Variants in MAPK9 observed in about 807,000 individuals in gnomAD.
The protein encoded by MAPK9 is Jun kinase.
Under a neutral mutation model 57.1 loss-of-function variants are expected in MAPK9, and 30 were observed. The ratio of observed to expected loss-of-function variants is 0.53; its 90% CI spans 0.39 to 0.71. The LOEUF (loss-of-function observed/expected upper bound fraction) is 0.71. Ranked by LOEUF, MAPK9 falls within the 30% of genes least tolerant of loss-of-function variation. MAPK9 has a pLI of 0.00. For missense variants in MAPK9, 362 were observed against 521.0 expected (o/e 0.69, Z 2.97); for synonymous variants, 155 against 177.0 (o/e 0.88, Z 0.99).
chr5:180,282,670 G>A (rs1294160316), intron 1 of MAPK9, among the ~76,000 whole-genome samples: 1 of 152,196 alleles, frequency 6.6e-6, no homozygotes, highest in Non-Finnish European at 1.5e-5. Context: ...AGACAACTCA[G>A]CAAAAAGGCA....
intron 1 of MAPK9, among the ~76,000 whole-genome samples, 189 bp downstream of exon 1, chr5:180,291,659 G>C (rs1763250557): frequency 6.6e-6 from 1 of 151,760 alleles, no homozygotes; most frequent in Non-Finnish European, 1.5e-5. Context: ...GCAGCCCGGG[G>C]CTGCTGACAG....
chr5:180,262,666 C>T (rs373655677), intron 4 of MAPK9, among the ~76,000 whole-genome samples: 8 of 152,250 alleles, frequency 5.3e-5, no homozygotes, highest in East Asian at 1.9e-4. Flanking sequence ...GAACTCCTGA[C>T]CTCAAGTGAT....
intron 2 of MAPK9, among the ~76,000 whole-genome samples, chr5:180,274,996 A>T (rs971306449): frequency 6.6e-6 from 1 of 152,168 alleles, no homozygotes; most frequent in Non-Finnish European, 1.5e-5. Context: ...ATTTTGATTT[A>T]TTCCTCTTAA....
At chr5:180,244,822 T>C (rs1757956871) in intron 7 of MAPK9, among the ~76,000 whole-genome samples, 1 of 150,892 alleles carries the variant, frequency 6.6e-6, no homozygotes, top group South Asian at 2.1e-4. Context: ...CTGTCTACAC[T>C]TGTGTCTCTA....
intron 2 of MAPK9, among the ~76,000 whole-genome samples, chr5:180,271,391 C>A (rs547924324): frequency 1.8e-3 from 270 of 152,302 alleles, no homozygotes; most frequent in African/African-American, 6.3e-3. Flanking sequence ...CTCCCCATTA[C>A]GAAAACTGAG....
chr5:180,258,535 AG>A (rs1759542860), intron 5 of MAPK9, among the ~76,000 whole-genome samples: 1 of 152,210 alleles, frequency 6.6e-6, no homozygotes, highest in Non-Finnish European at 1.5e-5. Flanking sequence ...AAGACATCAA[AG>A]AACACATATT....
At chr5:180,238,067 C>G (rs1008128998) in intron 11 of MAPK9, 1 of 243,340 alleles carries the variant, frequency 4.1e-6, no homozygotes, top group Non-Finnish European at 8.1e-6. Context: ...GTCAGGAGAT[C>G]GAGACCAGCT....
At chr5:180,268,301 A>G (rs1038334114) in intron 3 of MAPK9, among the ~76,000 whole-genome samples, 2 of 152,224 alleles carry the variant, frequency 1.3e-5, no homozygotes, top group African/African-American at 4.8e-5. Context: ...TAAATGTAAC[A>G]TCATCTAATA....
intron 2 of MAPK9, among the ~76,000 whole-genome samples, chr5:180,279,311 T>C (rs1279014423): frequency 6.6e-6 from 1 of 152,186 alleles, no homozygotes; most frequent in African/African-American, 2.4e-5. Flanking sequence ...GCATGTGTCA[T>C]CAGGAAGTTA....
chr5:180,251,084 T>G (rs1478113218), intron 5 of MAPK9, among the ~76,000 whole-genome samples: 1 of 152,102 alleles, frequency 6.6e-6, no homozygotes, highest in African/African-American at 2.4e-5. Context: ...CCAAAATGAA[T>G]GCCCATTTTT....
chr5:180,244,777 G>C (rs1272626480), intron 7 of MAPK9, among the ~76,000 whole-genome samples: 1 of 40,356 alleles, frequency 2.5e-5, no homozygotes, highest in African/African-American at 9.6e-5. Flanking sequence ...CTGTCTCAAA[G>C]GAAAAAAAAA....
intron 4 of MAPK9, among the ~76,000 whole-genome samples, chr5:180,262,576 A>C (rs1378172441): frequency 6.6e-6 from 1 of 151,622 alleles, no homozygotes; most frequent in Non-Finnish European, 1.5e-5. Flanking sequence ...AAATTAAAAA[A>C]AAAAAACAGC....
At chr5:180,245,366 C>T (rs1758003357) in intron 7 of MAPK9, among the ~76,000 whole-genome samples, 1 of 152,198 alleles carries the variant, frequency 6.6e-6, no homozygotes, top group Non-Finnish European at 1.5e-5. Context: ...TCTGCCCTGC[C>T]CTTGACGATC....
At chr5:180,268,035 A>G (rs899603182) in intron 3 of MAPK9, among the ~76,000 whole-genome samples, 6 of 152,042 alleles carry the variant, frequency 3.9e-5, no homozygotes, top group Non-Finnish European at 7.4e-5. Flanking sequence ...CATGTTAGCC[A>G]GGATGGTCTC....
intron 2 of MAPK9, 77 bp downstream of exon 2, chr5:180,280,363 C>T: frequency 6.5e-7 from 1 of 1,544,684 alleles, no homozygotes; most frequent in African/African-American, 1.4e-5. Context: ...ATCAATGTTT[C>T]TAAATCCTGA....
At chr5:180,290,981 T>A (rs192793596) in intron 1 of MAPK9, among the ~76,000 whole-genome samples, 11 of 152,322 alleles carry the variant, frequency 7.2e-5, no homozygotes, top group African/African-American at 2.4e-4. Context: ...GGAAATTTTT[T>A]AAATAATGAA....
At position 180,279,395 on chromosome 5, in the gene MAPK9, A is replaced by C. The variant is rs78443397; in HGVS notation, c.122+1045T>G. Among the ~76,000 whole-genome samples, 438 of 152,298 alleles carry C rather than the reference A, an allele frequency of 2.9e-3. 8 individuals carry two copies. In the East Asian group the frequency reaches 0.057, roughly 20 times the overall value. Reference sequence around the variant, plus strand: ...CCTTTCCCGCCTTAGCTTCTCAAAGAAGCTCTGGACTGCAATTTCCTCTTA... The same window carrying C: ...CCTTTCCCGCCTTAGCTTCTCAAAGCAGCTCTGGACTGCAATTTCCTCTTA... On this transcript the variant is annotated intron_variant, in intron 2 of 11. Coordinates refer to ENST00000452135, the MANE Select transcript of MAPK9 (RefSeq NM_002752.5).
intron 3 of MAPK9, among the ~76,000 whole-genome samples, chr5:180,265,163 T>TA (rs1273489574): frequency 2.6e-5 from 4 of 152,202 alleles, no homozygotes; most frequent in South Asian, 2.1e-4. Flanking sequence ...TCTGAAAACT[T>TA]AAATACTACG....
At position 180,236,238 on chromosome 5, in the gene MAPK9, C is replaced by G. The variant is rs556999009; in HGVS notation, c.*146G>C. Reference sequence around the variant, plus strand: ...CATTTTATCATCTAAGCAGGCAATCCTATCAGGTCTGAGTAGGGCAAGGCA... The same window carrying G: ...CATTTTATCATCTAAGCAGGCAATCGTATCAGGTCTGAGTAGGGCAAGGCA... On this transcript the variant is annotated 3_prime_UTR_variant, in exon 12 of 12. Coordinates refer to ENST00000452135, the MANE Select transcript of MAPK9 (RefSeq NM_002752.5). 14 of 799,744 alleles carry G rather than the reference C, an allele frequency of 1.8e-5. No individual in the cohort carries two copies. The highest frequency in any genetic ancestry group is 2.3e-5 in the Non-Finnish European group (13 of 569,396). 49.5% of individuals were successfully genotyped at this position (799,744 alleles called of 1,614,324 possible).
Sources: gnomAD v4.1 joint callset for allele counts (sites outside exome capture counted in the v4.1 genomes callset) on GRCh38, gnomAD v4.1.1 for gene constraint, MANE v1.5 for transcripts, NCBI Gene and HGNC (gene_info 2026-07-23, HGNC 2026-07-21) for gene names.